The following IFNGR2 variants were observed in gnomAD, a reference collection of about 807,000 sequenced individuals.
IFNGR2 encodes the protein IFN-gamma receptor 2.
A neutral mutation model predicts 41.1 loss-of-function variants in IFNGR2; 15 were observed. The observed-to-expected ratio is 0.37, with a 90% CI of 0.24 to 0.56. IFNGR2 has a LOEUF of 0.56. IFNGR2 is among the 20% of genes least tolerant of loss of function. The probability of loss-of-function intolerance (pLI) is 0.81; values close to 1 mark genes in which losing one functional copy is unlikely to be tolerated. For synonymous variants in IFNGR2, 161 were observed against 171.6 expected, an observed-to-expected ratio of 0.94 and a Z score of 0.48; for missense variants, 362 against 415.7, an observed-to-expected ratio of 0.87 and a Z score of 1.12.
intron 2 of IFNGR2, among the ~76,000 whole-genome samples, chr21:33,416,639 G>A (rs556134918): frequency 6.6e-6 from 1 of 152,060 alleles, no homozygotes; most frequent in Admixed American, 6.6e-5. Flanking sequence ...TGGCTAACAC[G>A]CTGAAACCCT....
At chr21:33,434,728 G>A (rs1309230776) in intron 6 of IFNGR2, among the ~76,000 whole-genome samples, 1 of 152,092 alleles carries the variant, frequency 6.6e-6, no homozygotes, top group East Asian at 1.9e-4. Flanking sequence ...ATGATGTATT[G>A]TAGGTACACA....
rs1040827244 is a variant in IFNGR2, at chr21:33,423,749, T to C, written c.412+2064T>C. Among the ~76,000 whole-genome samples the C allele has an allele frequency of 9.2e-5, 14 of 151,948 alleles. No individual in the cohort carries two copies. In the East Asian group the frequency reaches 2.1e-3, roughly 23 times the overall value. ...GGATCATGCCTGTAATCTTAGCCCA[T>C]TGGGAGGCTGAGGTGGGAGGATCGC... On this transcript the variant is annotated intron_variant, in intron 3 of 6. Transcript: ENST00000290219.
At chr21:33,406,472 A>G (rs1274891142) in intron 1 of IFNGR2, among the ~76,000 whole-genome samples, 2 of 152,180 alleles carry the variant, frequency 1.3e-5, no homozygotes, top group East Asian at 3.8e-4. Flanking sequence ...CAGCTTAAAA[A>G]CAAACCTAAT....
chr21:33,424,738 T>G (rs768390229), intron 3 of IFNGR2, among the ~76,000 whole-genome samples: 1 of 152,128 alleles, frequency 6.6e-6, no homozygotes, highest in African/African-American at 2.4e-5. Context: ...ACCTTATTTG[T>G]TTTTTTGTTT....
chr21:33,429,701 T>TA (rs1022250501), intron 4 of IFNGR2, among the ~76,000 whole-genome samples: 1 of 152,076 alleles, frequency 6.6e-6, no homozygotes, highest in African/African-American at 2.4e-5. Flanking sequence ...GCTGGCCACA[T>TA]ACGCACCCTC....
rs1404743581 is a variant in IFNGR2 at position 33,403,613 on chromosome 21, C to G, written c.70C>G (p.Pro24Ala). 1 of 1,364,080 alleles carries G rather than the reference C, an allele frequency of 7.3e-7. No homozygotes were observed. The highest frequency in any genetic ancestry group is 9.5e-7 in the Non-Finnish European group (1 of 1,056,706). 84.5% of individuals were successfully genotyped at this position (1,364,080 alleles called of 1,614,324 possible). Residue 24 changes from proline to alanine, a missense_variant, in exon 1 of 7, where the codon CCA (proline) becomes GCA (alanine). Transcript: ENST00000290219. ...GVFAAAAAAPPDPLSQLPAPQ... is the reference protein window; with the variant it reads ...GVFAAAAAAPADPLSQLPAPQ... ...CTTCGCCGCCGCCGCCGCGGCCCCG[C>G]CAGGTGAGCCGGGCCTGGGCCTCCG...
chr21:33,403,036 A>G (rs1283715520), upstream of IFNGR2: 2 of 137,900 alleles, frequency 1.5e-5, no homozygotes, highest in Non-Finnish European at 3.1e-5. Flanking sequence ...TAAAGCAAAC[A>G]TTTCGACTAA....
chr21:33,436,884 A>G lies in IFNGR2; in HGVS notation c.936A>G (p.Pro312=). The G allele has an allele frequency of 6.2e-7, 1 of 1,614,066 alleles. No individual in the cohort carries two copies. The highest frequency in any genetic ancestry group is 1.1e-5 in the South Asian group (1 of 91,082). Residue 312 remains proline (P), a synonymous_variant, in exon 7 of 7, where the codon CCA becomes CCG. Transcript: ENST00000290219. ...ILEALDKDSS[P]KDDVWDSVSI... is the part of the protein sequence containing the mutation. ...AGGCCTTGGACAAGGACAGCTCACC[A>G]AAGGATGACGTCTGGGACTCTGTGT...
rs547047353 is a variant in IFNGR2, at chr21:33,411,425, T to A, written c.74-3463T>A. On this transcript the variant is annotated intron_variant, in intron 1 of 6. Coordinates refer to ENST00000290219, the MANE Select transcript of IFNGR2 (RefSeq NM_005534.4). ...AGGGAAGTCGGGAAGAAGAGACTAT[T>A]CCTGTTGGTTCCTCCCCAGAGATGG... The A allele has an allele frequency of 1.9e-4, 90 of 470,870 alleles. 1 individual carries two copies. Among genetic ancestry groups the A allele is most frequent in the South Asian group, 1.4e-3 (88 of 64,556 alleles). The allele number at this position is 470,870 out of a possible 1,614,324, so 29.2% of individuals were successfully genotyped here.
intron 1 of IFNGR2, among the ~76,000 whole-genome samples, chr21:33,408,338 AG>A (rs1422059126): frequency 1.3e-5 from 2 of 152,024 alleles, no homozygotes; most frequent in East Asian, 3.9e-4. Flanking sequence ...CTGTGATTAC[AG>A]TATGCACCAC....
chr21:33,419,983 C>T (rs935341374), intron 2 of IFNGR2, among the ~76,000 whole-genome samples: 15 of 152,112 alleles, frequency 9.9e-5, no homozygotes, highest in African/African-American at 3.6e-4. Context: ...TCACCTCTTC[C>T]AGAGCACGCC....
Position 33,421,507 on chromosome 21 carries a change from C to T in IFNGR2, c.234C>T (p.Asp78=), listed in dbSNP as rs138717312. 4.9e-4 allele frequency: 794 copies of T among 1,613,996 alleles called. 16 individuals are homozygous for T. In the South Asian group the frequency reaches 7.6e-3, roughly 16 times the overall value. ...KYTDSKWFTA[D]IMSIGVNCTQ... ...CCGACAGTAAATGGTTCACGGCCGA[C>T]ATCATGTCCATAGGGGTGAATTGTA... Residue 78 remains aspartate, a synonymous_variant, in exon 3 of 7, where the codon GAC becomes GAT. Coordinates refer to ENST00000290219, the MANE Select transcript of IFNGR2 (RefSeq NM_005534.4).
intron 4 of IFNGR2, among the ~76,000 whole-genome samples, chr21:33,427,653 A>C (rs1659667465): frequency 6.6e-6 from 1 of 152,128 alleles, no homozygotes; most frequent in African/African-American, 2.4e-5. Context: ...AAAAAGCATC[A>C]TGGTCTTGAA....
chr21:33,403,512 G>A lies in IFNGR2; in HGVS notation c.-32G>A, dbSNP rs747254797. ...GCGGACCCCGAGCGGGGCCCCGGCC[G>A]CGACCTGAGCCGCCGCCGAGCGCCC... On this transcript the variant is annotated 5_prime_UTR_variant, in exon 1 of 7. Transcript: ENST00000290219. 5 of 1,207,542 alleles carry A rather than the reference G, an allele frequency of 4.1e-6. No individual in the cohort carries two copies. In the South Asian group the frequency reaches 1.1e-4, roughly 26 times the overall value. 74.8% of individuals were successfully genotyped at this position (1,207,542 alleles called of 1,614,324 possible). A position where few individuals can be genotyped will look rare whatever the true frequency, so the allele number is the denominator to read the frequency against.
At chr21:33,436,210 C>T (rs902098954) in intron 6 of IFNGR2, among the ~76,000 whole-genome samples, 4 of 150,476 alleles carry the variant, frequency 2.7e-5, no homozygotes, top group Non-Finnish European at 5.9e-5. Context: ...ACAAAATTAG[C>T]AGGGTGTGGT....
chr21:33,419,843 G>C (rs954550910), intron 2 of IFNGR2, among the ~76,000 whole-genome samples: 2 of 152,232 alleles, frequency 1.3e-5, no homozygotes, highest in Non-Finnish European at 1.5e-5. Context: ...AGCCCCGGCA[G>C]TGGCAGGGGT....
chr21:33,422,045 T>G (rs2083797886), intron 3 of IFNGR2, among the ~76,000 whole-genome samples: 1 of 152,270 alleles, frequency 6.6e-6, no homozygotes, highest in African/African-American at 2.4e-5. Flanking sequence ...CTAAATTTAC[T>G]GTGGCTCTTT....
At chr21:33,412,921 A>C (rs1038953276) in intron 1 of IFNGR2, among the ~76,000 whole-genome samples, 2 of 152,118 alleles carry the variant, frequency 1.3e-5, no homozygotes, top group Admixed American at 6.5e-5. Flanking sequence ...CTCTCCAATA[A>C]ATCTATTCAA....
Position 33,426,910 on chromosome 21 carries a change from G to A in IFNGR2, c.439G>A (p.Glu147Lys), listed in dbSNP as rs17878639. The A allele has an allele frequency of 2.1e-3, 3,329 of 1,613,484 alleles. 12 individuals are homozygous for A. The highest frequency in any genetic ancestry group is 3.7e-3 in the South Asian group (335 of 91,046). The part of the protein sequence containing the change: ...NVTVGPPENI[E>K]VTPGEGSLII... The stretch of plus-strand genomic sequence containing the variant: ...GACTGTCGGGCCTCCAGAAAACATT[G>A]AGGTGACCCCAGGAGAAGGCTCCCT... The change falls in exon 4 of 7, where the codon GAG becomes AAG. Residue 147 changes from glutamate (E) to lysine (K), a missense_variant. Glu to Lys is a moderately conservative substitution (Grantham distance 56, BLOSUM62 1). Transcript: ENST00000290219.
Sources: gnomAD v4.1 joint callset for allele counts (sites outside exome capture counted in the v4.1 genomes callset) on GRCh38, gnomAD v4.1.1 for gene constraint, MANE v1.5 for transcripts, NCBI Gene and HGNC (gene_info 2026-07-23, HGNC 2026-07-21) for gene names.